The following LRIF1 variants were observed in gnomAD, a reference collection of about 807,000 sequenced individuals.
LRIF1 encodes the protein ligand-dependent nuclear receptor-interacting factor 1.
Under a neutral mutation model 52.7 loss-of-function variants are expected in LRIF1, and 32 were observed. The observed-to-expected ratio is 0.61, with a 90% CI of 0.46 to 0.82. The LOEUF (loss-of-function observed/expected upper bound fraction) is 0.82, where lower values mean the gene tolerates loss of function less well. LRIF1 is among the 40% of genes least tolerant of loss of function. The pLI is 0.00. For missense variants in LRIF1, 887 were observed against 892.0 expected (o/e 0.99, Z 0.07); for synonymous variants, 323 against 317.4 (o/e 1.02, Z -0.19).
chr1:110,897,810 G>A, the LRIF1 span: 1 of 1,592,372 alleles, frequency 6.3e-7, no homozygotes, highest in Non-Finnish European at 8.6e-7. Context: ...GTCTTCTAGG[G>A]TTGCTATGCG....
At chr1:110,894,359 T>C in the LRIF1 span, 1 of 1,614,124 alleles carries the variant, frequency 6.2e-7, no homozygotes, top group Non-Finnish European at 8.5e-7. Flanking sequence ...TCCTCCTTGC[T>C]GAGGTGACCT....
At chr1:110,940,966 A>G in the LRIF1 span, 1 of 152,220 alleles carries the variant, frequency 6.6e-6, no homozygotes, top group South Asian at 2.1e-4. Context: ...TTTTAAAATA[A>G]CTAGAAGAGT....
chr1:110,949,882 T>C lies in LRIF1; in HGVS notation c.1838A>G (p.Glu613Gly). Residue 613 changes from glutamate (E) to glycine (G), a missense_variant, in exon 3 of 4, where the codon GAG becomes GGG. Transcript: ENST00000369763. ...TCTCTCTCCTTCCTTCACCATAAAC[T>C]CTGTCTCTTTGTAAGTACCACTCTT... is the stretch of plus-strand genomic sequence containing the variant. ...LVKSGTYKET[E>G]FMVKEGERKQ... is the part of the protein sequence containing the mutation. 1 of 1,614,072 alleles carries C rather than the reference T, an allele frequency of 6.2e-7. No homozygotes were observed. Among genetic ancestry groups the C allele is most frequent in the Middle Eastern group, 1.7e-4 (1 of 6,060 alleles).
chr1:110,904,277 G>A, the LRIF1 span, among the ~76,000 whole-genome samples: 1 of 152,198 alleles, frequency 6.6e-6, no homozygotes, highest in Non-Finnish European at 1.5e-5. Context: ...GGCATTAAGT[G>A]AACATAGGCA....
the LRIF1 span, among the ~76,000 whole-genome samples, chr1:110,926,614 G>C: frequency 2.1e-4 from 32 of 152,058 alleles, 1 homozygote; most frequent in South Asian, 3.5e-3. Flanking sequence ...AACTTAGAAA[G>C]ACATTACAAA....
chr1:110,958,127 C>G (rs576669287), intron 1 of LRIF1, among the ~76,000 whole-genome samples: 2 of 152,146 alleles, frequency 1.3e-5, no homozygotes, highest in African/African-American at 4.8e-5. Context: ...CAGCTGGACG[C>G]GAAAATCATC....
the LRIF1 span, among the ~76,000 whole-genome samples, chr1:110,935,796 T>C: frequency 6.6e-6 from 1 of 152,148 alleles, no homozygotes; most frequent in South Asian, 2.1e-4. Flanking sequence ...GGGATAATAA[T>C]AGAGAACTTC....
the LRIF1 span, among the ~76,000 whole-genome samples, chr1:110,917,882 C>G: frequency 5.9e-5 from 9 of 151,980 alleles, no homozygotes; most frequent in South Asian, 1.9e-3. Context: ...AAAATCCTAA[C>G]AGAATTTGTT....
At chr1:110,920,027 A>AT in the LRIF1 span, among the ~76,000 whole-genome samples, 1 of 152,322 alleles carries the variant, frequency 6.6e-6, no homozygotes, top group South Asian at 2.1e-4. Flanking sequence ...AATGGCCCAA[A>AT]TCCAAAATGC....
chr1:110,952,754 G>C lies in LRIF1; in HGVS notation c.130C>G (p.Gln44Glu). The change falls in exon 2 of 4, where the codon CAA (glutamine) becomes GAA (glutamate). Residue 44 changes from glutamine (Q) to glutamate (E), a missense_variant. By Grantham distance (29) the Gln-to-Glu change is conservative (BLOSUM62 2). Coordinates refer to ENST00000369763, the MANE Select transcript of LRIF1 (RefSeq NM_018372.4). ...TIGSDGKNLL[Q>E]LLPIPKSSGN... ...GAAGACTTAGGAATTGGAAGTAATTGCAGAAGATTTTTTCCATCCGAGCCA... is the reference window on the plus strand; with the variant it reads ...GAAGACTTAGGAATTGGAAGTAATTCCAGAAGATTTTTTCCATCCGAGCCA... 6.2e-7 allele frequency: 1 copy of C among 1,613,400 alleles called. No individual in the cohort carries two copies. Among genetic ancestry groups the C allele is most frequent in the Admixed American group, 1.7e-5 (1 of 59,990 alleles).
At chr1:110,927,458 A>G in the LRIF1 span, among the ~76,000 whole-genome samples, 1 of 152,212 alleles carries the variant, frequency 6.6e-6, no homozygotes, top group Non-Finnish European at 1.5e-5. Context: ...ATGAGGACCT[A>G]TTGAAACCTA....
the LRIF1 span, chr1:110,938,797 T>C: frequency 6.6e-6 from 1 of 152,166 alleles, no homozygotes. Context: ...TATGATCTTA[T>C]AGTCAAAAAG....
the LRIF1 span, among the ~76,000 whole-genome samples, chr1:110,898,616 T>C: frequency 3.9e-5 from 6 of 152,196 alleles, no homozygotes; most frequent in East Asian, 1.2e-3. Flanking sequence ...TGTGCTTAGT[T>C]TGACAAGTGA....
the LRIF1 span, chr1:110,894,324 C>A: frequency 6.2e-7 from 1 of 1,613,754 alleles, no homozygotes; most frequent in Non-Finnish European, 8.5e-7. Context: ...TGCTTTGTCC[C>A]AGTTCTTCAT....
the LRIF1 span, among the ~76,000 whole-genome samples, chr1:110,891,898 T>C: frequency 1.3e-5 from 2 of 152,176 alleles, no homozygotes; most frequent in South Asian, 2.1e-4. Flanking sequence ...ATTTCAGATA[T>C]AGGATGGGTT....
chr1:110,914,985 A>G, the LRIF1 span, among the ~76,000 whole-genome samples: 2 of 152,122 alleles, frequency 1.3e-5, no homozygotes, highest in African/African-American at 4.8e-5. Context: ...ATGTGCACCA[A>G]AAGAAAGTAT....
In LRIF1 at chr1:110,947,724, A is replaced by C; in HGVS notation, c.*235T>G. ...CTAGTTAAAATAATAGAAAAATATAAAATTTATCCTTCCAAAAAAAGGTAT... is the reference window on the plus strand; with the variant it reads ...CTAGTTAAAATAATAGAAAAATATACAATTTATCCTTCCAAAAAAAGGTAT... On this transcript the variant is annotated 3_prime_UTR_variant, in exon 4 of 4. Coordinates refer to ENST00000369763, the MANE Select transcript of LRIF1 (RefSeq NM_018372.4). The C allele has an allele frequency of 2.8e-6, 1 of 363,040 alleles. No homozygotes were observed. Among genetic ancestry groups the C allele is most frequent in the Non-Finnish European group, 4.8e-6 (1 of 210,512 alleles). 22.5% of individuals were successfully genotyped at this position (363,040 alleles called of 1,614,324 possible).
the LRIF1 span, among the ~76,000 whole-genome samples, chr1:110,906,112 GAGA>G: frequency 4.6e-5 from 7 of 151,338 alleles, no homozygotes; most frequent in Admixed American, 3.9e-4. Context: ...AAAGAAGGAA[GAGA>G]AGACCACAAA....
At chr1:110,961,621 T>G (rs1035168165) in intron 1 of LRIF1, among the ~76,000 whole-genome samples, 1 of 152,088 alleles carries the variant, frequency 6.6e-6, no homozygotes, top group South Asian at 2.1e-4. Flanking sequence ...TACTGAAAAA[T>G]TTTAAATAAG....
Sources: gnomAD v4.1 joint callset for allele counts (sites outside exome capture counted in the v4.1 genomes callset) on GRCh38, gnomAD v4.1.1 for gene constraint, MANE v1.5 for transcripts, NCBI Gene and HGNC (gene_info 2026-07-23, HGNC 2026-07-21) for gene names.